Variants in UPRT observed in about 807,000 individuals in gnomAD.
UPRT encodes uracil phosphoribosyltransferase homolog.
UPRT carries 5 observed loss-of-function variants against 22.6 expected under a neutral mutation model. The observed-to-expected ratio is 0.22, with a 90% confidence interval of 0.12 to 0.47. UPRT has a LOEUF of 0.47. Among genes scored for constraint, UPRT ranks in the 20% least tolerant of loss-of-function variants. The pLI is 0.99. For missense variants in UPRT, 181 were observed against 239.9 expected, an observed-to-expected ratio of 0.75 and a Z score of 1.62; for synonymous variants, 77 against 87.7, an observed-to-expected ratio of 0.88 and a Z score of 0.68.
At chrX:75,199,040 C>A (rs1361189149) in intron 4 of UPRT, among the ~76,000 whole-genome samples, 2 of 112,004 alleles carry the variant, frequency 1.8e-5, no homozygotes, top group African/African-American at 6.5e-5. Flanking sequence ...GGATTTACAG[C>A]AAACCTCACC....
chrX:75,247,539 A>G (rs1018399204), intron 4 of UPRT, among the ~76,000 whole-genome samples: 1 of 112,004 alleles, frequency 8.9e-6, no homozygotes, highest in Non-Finnish European at 1.9e-5. Flanking sequence ...GGGGAGGGGC[A>G]CCAGATATTG....
intron 4 of UPRT, among the ~76,000 whole-genome samples, chrX:75,252,669 T>A (rs1035447759): frequency 6.2e-5 from 7 of 112,151 alleles, no homozygotes; most frequent in African/African-American, 2.3e-4. Flanking sequence ...AAATACCATC[T>A]GACCCAGCTC....
At chrX:75,201,544 T>C (rs2082347324) in intron 4 of UPRT, 1 of 121,940 alleles carries the variant, frequency 8.2e-6, no homozygotes, top group South Asian at 3.1e-4. Flanking sequence ...TCGTTGACTT[T>C]GTTTATAAGT....
chrX:75,196,055 G>C (rs762004640), intron 4 of UPRT, among the ~76,000 whole-genome samples: 2 of 112,375 alleles, frequency 1.8e-5, no homozygotes, highest in South Asian at 7.4e-4. Flanking sequence ...AAAAAAAGTC[G>C]TTGGAATTTT....
intron 1 of UPRT, among the ~76,000 whole-genome samples, chrX:75,157,365 T>C (rs2082184948): frequency 8.9e-6 from 1 of 112,183 alleles, no homozygotes; most frequent in Admixed American, 9.5e-5. Flanking sequence ...TTCAAGGGGA[T>C]GCTTGAGCTA....
intron 4 of UPRT, among the ~76,000 whole-genome samples, chrX:75,267,673 C>A (rs1280450176): frequency 2.7e-5 from 3 of 111,654 alleles, no homozygotes; most frequent in Non-Finnish European, 5.7e-5. Context: ...GGGTAAATAA[C>A]GAAATTAAGG....
intron 2 of UPRT, 126 bp from the exon 3 acceptor site, chrX:75,296,216 C>A: frequency 1.7e-6 from 1 of 586,854 alleles, no homozygotes; most frequent in Non-Finnish European, 2.7e-6. Context: ...GGGCCCCTTA[C>A]TGCCTCCACA....
At chrX:75,187,490 C>T (rs1396586055) in intron 4 of UPRT, among the ~76,000 whole-genome samples, 1 of 111,039 alleles carries the variant, frequency 9.0e-6, no homozygotes, top group African/African-American at 3.3e-5. Flanking sequence ...TGAATCTGAC[C>T]TTTATGTGTC....
chrX:75,267,973 G>T (rs769541188), intron 4 of UPRT, among the ~76,000 whole-genome samples: 1 of 111,492 alleles, frequency 9.0e-6, no homozygotes, highest in South Asian at 3.7e-4. Flanking sequence ...GAATCCAGGA[G>T]CTGGTTTTTC....
At chrX:75,235,439 A>G (rs1433250250) in intron 4 of UPRT, among the ~76,000 whole-genome samples, 1 of 112,136 alleles carries the variant, frequency 8.9e-6, no homozygotes, top group African/African-American at 3.2e-5. Flanking sequence ...TCATTTTATG[A>G]GGCCAGCATC....
intron 4 of UPRT, among the ~76,000 whole-genome samples, chrX:75,229,253 C>A (rs959426843): frequency 1.8e-5 from 2 of 111,752 alleles, no homozygotes; most frequent in Non-Finnish European, 3.8e-5. Flanking sequence ...ATATGTATGT[C>A]AAATCATCGT....
intron 4 of UPRT, among the ~76,000 whole-genome samples, chrX:75,202,327 G>A (rs192598345): frequency 5.4e-5 from 6 of 111,127 alleles, no homozygotes; most frequent in East Asian, 5.7e-4. Context: ...TGTGCCCGGC[G>A]TGCTGGCTCA....
chrX:75,229,676 T>C (rs1290884091), intron 4 of UPRT, among the ~76,000 whole-genome samples: 2 of 111,590 alleles, frequency 1.8e-5, no homozygotes, highest in African/African-American at 3.3e-5. Flanking sequence ...GAGTGAAATA[T>C]AAAAGTAGAA....
At chrX:75,205,098 C>T (rs936239415) in intron 4 of UPRT, among the ~76,000 whole-genome samples, 29 of 110,872 alleles carry the variant, frequency 2.6e-4, no homozygotes, top group African/African-American at 9.5e-4. Context: ...GGGCCGGGCG[C>T]GGTGGCTCAC....
chrX:75,216,766 T>A (rs2082394176), intron 4 of UPRT, among the ~76,000 whole-genome samples: 1 of 112,296 alleles, frequency 8.9e-6, no homozygotes, highest in Non-Finnish European at 1.9e-5. Flanking sequence ...AATTTTTTTC[T>A]TTTTTTGAGA....
chrX:75,246,110 TTTATG>T (rs1169748743), intron 4 of UPRT, among the ~76,000 whole-genome samples: 3 of 111,202 alleles, frequency 2.7e-5, no homozygotes, highest in Non-Finnish European at 5.7e-5. Context: ...TTTATTTTAT[TTTATG>T]TTATTATACT....
chrX:75,206,043 G>A (rs1362448460), intron 4 of UPRT, among the ~76,000 whole-genome samples: 4 of 111,677 alleles, frequency 3.6e-5, no homozygotes, highest in Non-Finnish European at 5.6e-5. Flanking sequence ...TTTACCTAAA[G>A]ATTGGGTGGA....
chrX:75,200,825 G>A (rs1354301278), intron 4 of UPRT, among the ~76,000 whole-genome samples: 2 of 111,100 alleles, frequency 1.8e-5, no homozygotes, highest in African/African-American at 6.6e-5. Flanking sequence ...AATGCCTGTA[G>A]TTCTAGCTAC....
At position 75,208,770 on chromosome X, in the gene UPRT, A is replaced by AG. The variant is rs756263060; in HGVS notation, c.-447+40891_-447+40892insG. The stretch of plus-strand genomic sequence containing the variant: ...TGAGGCCCCTGAGGCTGGCTGGGTT[A>AG]AGGGGATATTGAGACTGATGAAGAA... On this transcript the variant is annotated intron_variant, in intron 4 of 13. Coordinates refer to the UPRT transcript ENST00000652605. Among the ~76,000 whole-genome samples, 86 of 111,442 alleles carry AG rather than the reference A, an allele frequency of 7.7e-4. 3 individuals are homozygous for AG. The highest frequency in any genetic ancestry group is 2.7e-3 in the African/African-American group (83 of 30,712).
Sources: gnomAD v4.1 joint callset for allele counts (sites outside exome capture counted in the v4.1 genomes callset) on GRCh38, gnomAD v4.1.1 for gene constraint, MANE v1.5 for transcripts, NCBI Gene and HGNC (gene_info 2026-07-23, HGNC 2026-07-21) for gene names.